The following HS6ST3 variants were observed in gnomAD, a reference collection of about 807,000 sequenced individuals.
HS6ST3 encodes the protein heparan-sulfate 6-O-sulfotransferase 3.
Under a neutral mutation model 36.7 loss-of-function variants are expected in HS6ST3, and 12 were observed. That is an observed-to-expected ratio of 0.33 (90% confidence interval 0.21 to 0.53). The LOEUF (loss-of-function observed/expected upper bound fraction) is 0.53. Among genes scored for constraint, HS6ST3 ranks in the 20% least tolerant of loss-of-function variants. HS6ST3 has a pLI of 0.95. For synonymous variants in HS6ST3, 240 were observed against 257.5 expected, an observed-to-expected ratio of 0.93 and a Z score of 0.65; for missense variants, 584 against 640.9, an observed-to-expected ratio of 0.91 and a Z score of 0.96.
At chr13:96,795,298 T>C (rs7982375) in intron 1 of HS6ST3, among the ~76,000 whole-genome samples, 5,948 of 152,104 alleles carry the variant, frequency 0.039, 389 homozygotes, top group African/African-American at 0.13. Context: ...ATTAAAACCT[T>C]CTATTTTTAA....
intron 1 of HS6ST3, among the ~76,000 whole-genome samples, chr13:96,779,642 G>A (rs939143280): frequency 2.0e-5 from 3 of 151,980 alleles, no homozygotes; most frequent in Non-Finnish European, 4.4e-5. Context: ...AGGTGGAAAC[G>A]TAGAGTGGAG....
At chr13:96,285,131 TAATC>T (rs2054795654) in intron 1 of HS6ST3, among the ~76,000 whole-genome samples, 1 of 152,052 alleles carries the variant, frequency 6.6e-6, no homozygotes, top group Non-Finnish European at 1.5e-5. Context: ...CAGTGTAAGA[TAATC>T]AACCGGTAAA....
chr13:96,108,475 T>C (rs2053852837), intron 1 of HS6ST3, among the ~76,000 whole-genome samples: 1 of 152,204 alleles, frequency 6.6e-6, no homozygotes, highest in Non-Finnish European at 1.5e-5. Flanking sequence ...CCTTGAAGCA[T>C]GTGATCTCTG....
In HS6ST3 at chr13:96,833,415, G is replaced by T. The variant is rs1345348844; in HGVS notation, c.*217G>T. The T allele has an allele frequency of 1.9e-6, 1 of 536,114 alleles. No individual in the cohort carries two copies. Among genetic ancestry groups the T allele is most frequent in the Admixed American group, 3.7e-5 (1 of 27,376 alleles). The allele number at this position is 536,114 out of a possible 1,614,324, so 33.2% of individuals were successfully genotyped here. A position where few individuals can be genotyped will look rare whatever the true frequency, so the allele number is the denominator to read the frequency against. On this transcript the variant is annotated 3_prime_UTR_variant, in exon 2 of 2. Transcript: ENST00000376705. ...ATTTTGCAATTGGTGATATTAAGTAGGGTAGGAGTGCATCCCATATAGGCC... is the reference window on the plus strand; with the variant it reads ...ATTTTGCAATTGGTGATATTAAGTATGGTAGGAGTGCATCCCATATAGGCC...
At chr13:96,250,507 G>A (rs2054603001) in intron 1 of HS6ST3, among the ~76,000 whole-genome samples, 1 of 152,190 alleles carries the variant, frequency 6.6e-6, no homozygotes, top group African/African-American at 2.4e-5. Flanking sequence ...TTGGAGTGAT[G>A]CCAAGCAATG....
chr13:96,313,001 A>T (rs1223949464), intron 1 of HS6ST3, among the ~76,000 whole-genome samples: 1 of 149,664 alleles, frequency 6.7e-6, no homozygotes, highest in African/African-American at 2.5e-5. Flanking sequence ...TTCTTAGAGG[A>T]TTGAATGTTT....
At chr13:96,440,263 A>G (rs2055663951) in intron 1 of HS6ST3, among the ~76,000 whole-genome samples, 1 of 152,170 alleles carries the variant, frequency 6.6e-6, no homozygotes, top group South Asian at 2.1e-4. Flanking sequence ...ACTAGCCAAC[A>G]TGGTGAAACC....
intron 1 of HS6ST3, among the ~76,000 whole-genome samples, chr13:96,127,305 G>T (rs1264967842): frequency 2.6e-5 from 4 of 152,230 alleles, no homozygotes; most frequent in Admixed American, 6.5e-5. Flanking sequence ...GGGAGTGGTT[G>T]GAGGTCGGGG....
intron 1 of HS6ST3, among the ~76,000 whole-genome samples, chr13:96,494,562 A>G (rs1336799005): frequency 6.6e-6 from 1 of 151,584 alleles, no homozygotes; most frequent in East Asian, 1.9e-4. Context: ...AAAAAGAACC[A>G]CGATGTACCT....
intron 1 of HS6ST3, among the ~76,000 whole-genome samples, chr13:96,396,262 C>T (rs77256226): frequency 3.6e-4 from 55 of 151,488 alleles, no homozygotes; most frequent in African/African-American, 1.3e-3. Flanking sequence ...TACAGTGACC[C>T]GAGATCACAC....
chr13:96,498,400 C>T (rs2055987670), intron 1 of HS6ST3, among the ~76,000 whole-genome samples: 1 of 152,260 alleles, frequency 6.6e-6, no homozygotes, highest in East Asian at 1.9e-4. Context: ...AAGGCACCAT[C>T]TTTTCGGGTA....
chr13:96,788,844 C>T (rs916206267), intron 1 of HS6ST3, among the ~76,000 whole-genome samples: 67 of 151,938 alleles, frequency 4.4e-4, no homozygotes, highest in African/African-American at 1.6e-3. Flanking sequence ...TATAACAACT[C>T]CAGCTTTCTT....
At chr13:96,365,039 T>C (rs2055256378) in intron 1 of HS6ST3, among the ~76,000 whole-genome samples, 1 of 152,196 alleles carries the variant, frequency 6.6e-6, no homozygotes, top group South Asian at 2.1e-4. Flanking sequence ...CTTATTTAAA[T>C]GGACATACTT....
At chr13:96,127,538 G>C (rs527480814) in intron 1 of HS6ST3, among the ~76,000 whole-genome samples, 1 of 152,294 alleles carries the variant, frequency 6.6e-6, no homozygotes, top group South Asian at 2.1e-4. Flanking sequence ...AACAGGCGAC[G>C]GACTGGTATT....
chr13:96,421,255 A>G (rs898617523), intron 1 of HS6ST3, among the ~76,000 whole-genome samples: 2 of 152,332 alleles, frequency 1.3e-5, no homozygotes, highest in African/African-American at 4.8e-5. Context: ...GATTATCTTT[A>G]GTACCACAGT....
At chr13:96,294,776 T>C (rs1481220886) in intron 1 of HS6ST3, among the ~76,000 whole-genome samples, 1 of 152,130 alleles carries the variant, frequency 6.6e-6, no homozygotes, top group African/African-American at 2.4e-5. Flanking sequence ...TAGATTCTTT[T>C]AAAATATGCT....
At chr13:96,579,881 T>C (rs1448700955) in intron 1 of HS6ST3, among the ~76,000 whole-genome samples, 2 of 152,154 alleles carry the variant, frequency 1.3e-5, no homozygotes, top group African/African-American at 4.8e-5. Flanking sequence ...TATGATTCTA[T>C]GCAAATGATC....
chr13:96,749,515 G>A (rs1183626922), intron 1 of HS6ST3, among the ~76,000 whole-genome samples: 1 of 152,094 alleles, frequency 6.6e-6, no homozygotes, highest in Non-Finnish European at 1.5e-5. Flanking sequence ...ACGTTCATGA[G>A]TGTTCACCTA....
chr13:96,144,616 TA>T (rs2054047399), intron 1 of HS6ST3, among the ~76,000 whole-genome samples: 1 of 151,820 alleles, frequency 6.6e-6, no homozygotes, highest in Non-Finnish European at 1.5e-5. Context: ...TGCTTATAAA[TA>T]AAATTATTTT....
Sources: allele counts gnomAD v4.1 joint callset (sites outside exome capture counted in the v4.1 genomes callset), GRCh38; gene constraint gnomAD v4.1.1; transcripts MANE v1.5; gene names NCBI Gene and HGNC (gene_info 2026-07-23, HGNC 2026-07-21).